The following PCED1B variants were observed in gnomAD, a reference collection of about 807,000 sequenced individuals.
PCED1B encodes the protein PC-esterase domain containing 1B.
For synonymous variants in PCED1B, 251 were observed against 246.1 expected (o/e 1.02, Z -0.19); for missense variants, 573 against 573.9 (o/e 1.00, Z 0.02).
At chr12:47,202,614 A>G (rs917434414) in intron 2 of PCED1B, among the ~76,000 whole-genome samples, 17 of 150,536 alleles carry the variant, frequency 1.1e-4, no homozygotes, top group South Asian at 2.1e-4. Context: ...AAAAAAAAAA[A>G]AAAAAGAAAA....
At chr12:47,115,056 C>T (rs1041055633) in intron 2 of PCED1B, among the ~76,000 whole-genome samples, 5 of 152,068 alleles carry the variant, frequency 3.3e-5, no homozygotes, top group African/African-American at 1.2e-4. Flanking sequence ...AGGATGTTAC[C>T]TGTTTATCTA....
chr12:47,113,138 T>C (rs1180950833), intron 2 of PCED1B, among the ~76,000 whole-genome samples: 2 of 152,182 alleles, frequency 1.3e-5, no homozygotes, highest in Non-Finnish European at 1.5e-5. Context: ...CTCTGGGATA[T>C]ACTAAGATGC....
At chr12:47,193,783 G>A (rs1052873727) in intron 2 of PCED1B, among the ~76,000 whole-genome samples, 1 of 152,174 alleles carries the variant, frequency 6.6e-6, no homozygotes, top group African/African-American at 2.4e-5. Flanking sequence ...CAAGATTCTA[G>A]CTCATTTGCT....
At chr12:47,207,639 G>C (rs1013892254) in intron 2 of PCED1B, among the ~76,000 whole-genome samples, 2 of 152,168 alleles carry the variant, frequency 1.3e-5, no homozygotes, top group Non-Finnish European at 2.9e-5. Flanking sequence ...AGCGATGGAA[G>C]GAAATGACAA....
chr12:47,114,077 A>G (rs565516603), intron 2 of PCED1B, among the ~76,000 whole-genome samples: 2 of 152,300 alleles, frequency 1.3e-5, no homozygotes, highest in South Asian at 4.1e-4. Context: ...TCTAGGACTT[A>G]GATAATTGAC....
intron 2 of PCED1B, among the ~76,000 whole-genome samples, chr12:47,130,764 A>T (rs1174142805): frequency 2.0e-5 from 3 of 152,186 alleles, no homozygotes; most frequent in Non-Finnish European, 4.4e-5. Context: ...AAAGAAAAGA[A>T]GTGTGTGGTC....
intron 2 of PCED1B, among the ~76,000 whole-genome samples, chr12:47,151,348 T>C (rs1015638930): frequency 1.3e-5 from 2 of 152,192 alleles, no homozygotes; most frequent in Admixed American, 6.5e-5. Context: ...AGTAACATGC[T>C]GTACAGGTTT....
chr12:47,151,737 C>A (rs1015606325), intron 2 of PCED1B, among the ~76,000 whole-genome samples: 2 of 152,214 alleles, frequency 1.3e-5, no homozygotes, highest in African/African-American at 4.8e-5. Context: ...AGAGGACCAT[C>A]ACATAGAGAG....
intron 1 of PCED1B, among the ~76,000 whole-genome samples, chr12:47,092,362 T>C (rs966289361): frequency 2.0e-5 from 3 of 152,108 alleles, no homozygotes; most frequent in South Asian, 2.1e-4. Flanking sequence ...AGTTTTTATA[T>C]GTTGACTGTA....
intron 2 of PCED1B, among the ~76,000 whole-genome samples, chr12:47,126,214 T>G (rs139822985): frequency 5.4e-4 from 82 of 152,208 alleles, no homozygotes; most frequent in African/African-American, 1.9e-3. Flanking sequence ...ATGTGAGTTT[T>G]TATAAGGAAT....
At chr12:47,225,184 G>A (rs1316515137) in intron 3 of PCED1B, among the ~76,000 whole-genome samples, 1 of 152,132 alleles carries the variant, frequency 6.6e-6, no homozygotes, top group South Asian at 2.1e-4. Flanking sequence ...CACCCGTCTC[G>A]GCCTCCCAAA....
In PCED1B at chr12:47,216,323, G is replaced by A. The variant is rs555751075; in HGVS notation, c.-424G>A. On this transcript the variant is annotated 5_prime_UTR_variant, in exon 3 of 4. The change creates a new upstream start codon in the 5' untranslated region. Coordinates refer to ENST00000546455, the MANE Select transcript of PCED1B (RefSeq NM_138371.3). ...AGCTACACCCAGATTACTGAGAAAG[G>A]TGAAATGAAAACAAGCTCAAAACCA... 6.6e-6 allele frequency: 1 copy of A among 152,320 alleles called. No individual in the cohort carries two copies. Among genetic ancestry groups the A allele is most frequent in the Admixed American group, 6.5e-5 (1 of 15,302 alleles). 9.4% of individuals were successfully genotyped at this position (152,320 alleles called of 1,614,324 possible).
intron 1 of PCED1B, among the ~76,000 whole-genome samples, chr12:47,090,534 A>G (rs373956298): frequency 1.3e-5 from 2 of 152,158 alleles, no homozygotes; most frequent in Admixed American, 1.3e-4. Context: ...AAAGGCAACC[A>G]CACCCTTGTA....
intron 2 of PCED1B, among the ~76,000 whole-genome samples, chr12:47,159,696 C>T (rs1941308542): frequency 6.6e-6 from 1 of 152,028 alleles, no homozygotes; most frequent in African/African-American, 2.4e-5. Flanking sequence ...TGTCTCTTCA[C>T]TCTGTAGATT....
At chr12:47,217,522 AGAGAAAGAG>A (rs1393772956) in intron 3 of PCED1B, among the ~76,000 whole-genome samples, 2 of 123,772 alleles carry the variant, frequency 1.6e-5, no homozygotes, top group African/African-American at 8.8e-5. Context: ...GAAAGAAGAA[AGAGAAAGAG>A]AGAAAAGAAA....
At chr12:47,223,608 C>T (rs1943550130) in intron 3 of PCED1B, 1 of 152,156 alleles carries the variant, frequency 6.6e-6, no homozygotes. Flanking sequence ...GCAAATTATC[C>T]CCTCACTGGG....
At chr12:47,109,646 A>G (rs1939105856) in intron 2 of PCED1B, among the ~76,000 whole-genome samples, 1 of 152,150 alleles carries the variant, frequency 6.6e-6, no homozygotes, top group Non-Finnish European at 1.5e-5. Flanking sequence ...GTGTTCCCTC[A>G]TATTTATCTC....
At chr12:47,185,517 G>A (rs144655914) in intron 2 of PCED1B, among the ~76,000 whole-genome samples, 19 of 152,290 alleles carry the variant, frequency 1.2e-4, no homozygotes, top group African/African-American at 3.4e-4. Flanking sequence ...GGCCCGGCAC[G>A]GTGGCTCACA....
chr12:47,090,117 T>C (rs1565740596), intron 1 of PCED1B, among the ~76,000 whole-genome samples: 1 of 152,166 alleles, frequency 6.6e-6, no homozygotes, highest in Admixed American at 6.6e-5. Flanking sequence ...ATGATTCTGC[T>C]CAAATCAGAA....
Sources: gnomAD v4.1 joint callset for allele counts (sites outside exome capture counted in the v4.1 genomes callset) on GRCh38, gnomAD v4.1.1 for gene constraint, MANE v1.5 for transcripts, NCBI Gene and HGNC (gene_info 2026-07-23, HGNC 2026-07-21) for gene names.